MEF2C: variants seen among roughly 807,000 people sequenced by gnomAD.
MEF2C encodes myocyte enhancer factor 2C, also known as myocyte-specific enhancer factor 2C.
Under a neutral mutation model 50.5 loss-of-function variants are expected in MEF2C, and 6 were observed. The observed-to-expected ratio is 0.12, with a 90% CI of 0.07 to 0.23. The LOEUF (loss-of-function observed/expected upper bound fraction) is 0.23. Ranked by LOEUF, MEF2C falls within the 10% of genes least tolerant of loss-of-function variation. MEF2C has a pLI of 1.00. For missense variants in MEF2C, 276 were observed against 605.0 expected (o/e 0.46, Z 5.70); for synonymous variants, 183 against 228.0 (o/e 0.80, Z 1.78).
At chr5:88,768,621 G>A (rs1239358078) in intron 3 of MEF2C, 9 of 930,842 alleles carry the variant, frequency 9.7e-6, no homozygotes, top group Admixed American at 6.2e-5. Context: ...GCAAGTGGTC[G>A]GAACTTACTA....
chr5:88,854,213 T>G (rs1474483871), intron 1 of MEF2C, among the ~76,000 whole-genome samples: 1 of 152,198 alleles, frequency 6.6e-6, no homozygotes, highest in Non-Finnish European at 1.5e-5. Context: ...TAGGATACAA[T>G]AAATAGATAC....
chr5:88,850,563 G>A (rs894686488), intron 1 of MEF2C, among the ~76,000 whole-genome samples: 2 of 152,068 alleles, frequency 1.3e-5, no homozygotes, highest in African/African-American at 4.8e-5. Flanking sequence ...AGGATTCAGA[G>A]TTGAAGAGGA....
intron 1 of MEF2C, among the ~76,000 whole-genome samples, chr5:88,849,905 A>AC (rs1820665654): frequency 1.3e-5 from 2 of 152,180 alleles, no homozygotes; most frequent in African/African-American, 4.8e-5. Flanking sequence ...AAAAGGCAAA[A>AC]ACCAAAAATC....
rs1480528783 is a variant in MEF2C, at chr5:88,838,844, C to G, written c.-142-14914G>C. The G allele has an allele frequency of 1.3e-5, 6 of 470,226 alleles. No individual in the cohort carries two copies. The Admixed American group carries it at 3.8e-4, about 30-fold the overall frequency. The allele number at this position is 470,226 out of a possible 1,614,324, so 29.1% of individuals were successfully genotyped here. On this transcript the variant is annotated intron_variant, in intron 1 of 10. Coordinates refer to ENST00000504921, the MANE Select transcript of MEF2C (RefSeq NM_002397.5). ...TCCACTTCAAAATTTTATACAGTTA[C>G]CTACTTCTTCAGAATACTTTGTGTT...
At chr5:88,854,737 G>T (rs917688048) in intron 1 of MEF2C, among the ~76,000 whole-genome samples, 1 of 152,116 alleles carries the variant, frequency 6.6e-6, no homozygotes, top group Non-Finnish European at 1.5e-5. Flanking sequence ...TCTAACTTGG[G>T]TTGAGAATAA....
At chr5:88,855,026 A>G (rs1048273459) in intron 1 of MEF2C, among the ~76,000 whole-genome samples, 2 of 152,184 alleles carry the variant, frequency 1.3e-5, no homozygotes, top group Non-Finnish European at 2.9e-5. Context: ...TCTATGCACA[A>G]TAAAGGAGAC....
intron 1 of MEF2C, among the ~76,000 whole-genome samples, chr5:88,846,742 G>A (rs1311507507): frequency 6.6e-6 from 1 of 152,138 alleles, no homozygotes; most frequent in African/African-American, 2.4e-5. Context: ...GCCTCTAAAT[G>A]TACACTGACA....
At chr5:88,888,854 A>G (rs1319710093) in intron 1 of MEF2C, 2 of 152,138 alleles carry the variant, frequency 1.3e-5, no homozygotes, top group African/African-American at 4.8e-5. Flanking sequence ...AACCACATGC[A>G]TGAATAAATT....
chr5:88,845,092 CG>C (rs1487469404), intron 1 of MEF2C, among the ~76,000 whole-genome samples: 1 of 152,184 alleles, frequency 6.6e-6, no homozygotes, highest in Non-Finnish European at 1.5e-5. Context: ...TACTAAAAAA[CG>C]TCAAGGACCA....
At chr5:88,816,834 A>AT (rs1431922462) in intron 2 of MEF2C, among the ~76,000 whole-genome samples, 1 of 151,940 alleles carries the variant, frequency 6.6e-6, no homozygotes, top group African/African-American at 2.4e-5. Context: ...AGAAAAAACA[A>AT]TCATCATCAT....
intron 3 of MEF2C, chr5:88,775,808 A>C (rs996805091): frequency 1.0e-6 from 1 of 983,966 alleles, no homozygotes; most frequent in African/African-American, 1.7e-5. Context: ...GACACTGAGA[A>C]CTGAAAAATG....
In MEF2C at chr5:88,727,881, A is replaced by T. The variant is rs1467768047; in HGVS notation, c.1100+612T>A. Among the ~76,000 whole-genome samples, 3 of 152,192 alleles carry T rather than the reference A, an allele frequency of 2.0e-5. No homozygotes were observed. In the East Asian group the frequency reaches 5.8e-4, roughly 29 times the overall value. ...GACAAGAGTCATTTCTATGATAAAGACATATCTGAAAACTACCACAAGGGG... is the reference window on the plus strand; with the variant it reads ...GACAAGAGTCATTTCTATGATAAAGTCATATCTGAAAACTACCACAAGGGG... On this transcript the variant is annotated intron_variant, in intron 10 of 10. Transcript: ENST00000504921.
intron 1 of MEF2C, among the ~76,000 whole-genome samples, chr5:88,898,852 T>A (rs13159808): frequency 0.3 from 45,339 of 152,054 alleles, 6,721 homozygotes; most frequent in African/African-American, 0.32. Flanking sequence ...CATTCTTTCA[T>A]TCCATTTATT....
At chr5:88,846,913 C>T (rs1819557407) in intron 1 of MEF2C, among the ~76,000 whole-genome samples, 1 of 152,172 alleles carries the variant, frequency 6.6e-6, no homozygotes, top group African/African-American at 2.4e-5. Context: ...TTTGAAATGG[C>T]ACCTTGAATC....
intron 3 of MEF2C, among the ~76,000 whole-genome samples, chr5:88,788,695 A>G (rs1294301946): frequency 6.6e-6 from 1 of 152,222 alleles, no homozygotes; most frequent in East Asian, 1.9e-4. Context: ...TTATATTTAT[A>G]TTTGTATAGC....
At chr5:88,860,603 A>G (rs1431366562) in intron 1 of MEF2C, among the ~76,000 whole-genome samples, 1 of 152,314 alleles carries the variant, frequency 6.6e-6, no homozygotes, top group Admixed American at 6.5e-5. Flanking sequence ...TTCACCCAGC[A>G]GAGCTGCCCC....
At position 88,732,134 on chromosome 5, in the gene MEF2C, C is replaced by T. The variant is rs1429354684; in HGVS notation, c.638-233G>A. On this transcript the variant is annotated intron_variant, in intron 6 of 10. Coordinates refer to ENST00000504921, the MANE Select transcript of MEF2C (RefSeq NM_002397.5). ...AAGAGAGCCAATATACATCAACTTG[C>T]TCAGAAGTCAGCATATACTTTTTTT... Among the ~76,000 whole-genome samples the T allele has an allele frequency of 2.0e-5, 3 of 152,140 alleles. No homozygotes were observed. In the East Asian group the frequency reaches 5.8e-4, roughly 29 times the overall value.
At chr5:88,866,693 C>G (rs1385732033) in intron 1 of MEF2C, among the ~76,000 whole-genome samples, 1 of 152,100 alleles carries the variant, frequency 6.6e-6, no homozygotes, top group Admixed American at 6.5e-5. Flanking sequence ...ATAATATGAC[C>G]TTGTTCTAAC....
At chr5:88,781,114 C>A (rs1166321656) in intron 3 of MEF2C, among the ~76,000 whole-genome samples, 1 of 151,950 alleles carries the variant, frequency 6.6e-6, no homozygotes, top group Non-Finnish European at 1.5e-5. Context: ...GTTTAAAAAT[C>A]TGTGTAGTGA....
Sources: allele counts gnomAD v4.1 joint callset (sites outside exome capture counted in the v4.1 genomes callset), GRCh38; gene constraint gnomAD v4.1.1; transcripts MANE v1.5; gene names NCBI Gene and HGNC (gene_info 2026-07-23, HGNC 2026-07-21).